Variants in TNR observed in about 807,000 individuals in gnomAD.
TNR encodes the protein tenascin-R.
A neutral mutation model predicts 150.4 loss-of-function variants in TNR; 45 were observed. The ratio of observed to expected loss-of-function variants is 0.30; its 90% confidence interval spans 0.24 to 0.38. The LOEUF (loss-of-function observed/expected upper bound fraction) is 0.38, where lower values mean the gene tolerates loss of function less well. TNR is among the 10% of genes least tolerant of loss of function. The pLI, the probability that TNR is intolerant of heterozygous loss-of-function variation, is 1.00. For missense variants in TNR, 1,544 were observed against 1,759.1 expected (o/e 0.88, Z 2.19); for synonymous variants, 687 against 678.4 (o/e 1.01, Z -0.20).
intron 1 of TNR, among the ~76,000 whole-genome samples, chr1:175,632,059 G>C (rs1009567063): frequency 6.6e-6 from 1 of 152,182 alleles, no homozygotes; most frequent in African/African-American, 2.4e-5. Flanking sequence ...TGCCCCAAGG[G>C]GCACTGGGAG....
At chr1:175,608,987 G>C (rs1488284692) in intron 1 of TNR, among the ~76,000 whole-genome samples, 1 of 152,174 alleles carries the variant, frequency 6.6e-6, no homozygotes, top group Non-Finnish European at 1.5e-5. Flanking sequence ...CCAAGAAACT[G>C]TCCTTCCACA....
chr1:175,740,374 C>T (rs1667893957), intron 1 of TNR, among the ~76,000 whole-genome samples: 1 of 152,130 alleles, frequency 6.6e-6, no homozygotes, highest in Non-Finnish European at 1.5e-5. Context: ...ATTGTCAAAA[C>T]TTAATCTGAA....
intron 9 of TNR, among the ~76,000 whole-genome samples, chr1:175,377,119 G>T (rs566712825): frequency 6.6e-6 from 1 of 152,042 alleles, no homozygotes; most frequent in Non-Finnish European, 1.5e-5. Flanking sequence ...ACTTGGGCAG[G>T]TTTTCAAACT....
intron 18 of TNR, among the ~76,000 whole-genome samples, chr1:175,339,148 A>T (rs977601403): frequency 2.0e-5 from 3 of 152,226 alleles, no homozygotes; most frequent in African/African-American, 7.2e-5. Flanking sequence ...ACTCAGAAAG[A>T]TTACATGACT....
At chr1:175,425,573 A>G (rs748160454) in intron 2 of TNR, among the ~76,000 whole-genome samples, 17 of 152,134 alleles carry the variant, frequency 1.1e-4, no homozygotes, top group Non-Finnish European at 1.6e-4. Context: ...TTTTTATAAA[A>G]ATCTATGATG....
chr1:175,539,702 G>T (rs1238741883), intron 1 of TNR, among the ~76,000 whole-genome samples: 2 of 152,264 alleles, frequency 1.3e-5, no homozygotes, highest in East Asian at 3.9e-4. Context: ...ATATCCTGAG[G>T]CCAGGCTGTT....
chr1:175,461,404 G>A (rs1459627696), intron 2 of TNR, among the ~76,000 whole-genome samples: 1 of 152,136 alleles, frequency 6.6e-6, no homozygotes, highest in East Asian at 1.9e-4. Context: ...ATCACTCCAA[G>A]GGGTGAGAGA....
chr1:175,703,456 T>C (rs541539604), intron 1 of TNR, among the ~76,000 whole-genome samples: 7 of 152,360 alleles, frequency 4.6e-5, no homozygotes, highest in Non-Finnish European at 1.0e-4. Flanking sequence ...TTTATGTTTC[T>C]ATGAAAACTG....
At chr1:175,634,014 CGATGATGATGA>C (rs1558047109) in intron 1 of TNR, among the ~76,000 whole-genome samples, 3 of 79,708 alleles carry the variant, frequency 3.8e-5, no homozygotes, top group African/African-American at 2.4e-4. Flanking sequence ...ATGATGATGA[CGATGATGATGA>C]TGATAAGGCC....
chr1:175,692,699 AG>A (rs1481721130), intron 1 of TNR, among the ~76,000 whole-genome samples: 3 of 152,148 alleles, frequency 2.0e-5, no homozygotes, highest in Non-Finnish European at 4.4e-5. Flanking sequence ...GAGGAGAGGA[AG>A]GTCTCATGAA....
chr1:175,630,381 A>G (rs917045682), intron 1 of TNR, among the ~76,000 whole-genome samples: 1 of 152,240 alleles, frequency 6.6e-6, no homozygotes, highest in African/African-American at 2.4e-5. Context: ...ATCAGTAGCA[A>G]ATCACAAGTT....
chr1:175,672,149 G>A (rs1257455781), intron 1 of TNR, among the ~76,000 whole-genome samples: 1 of 152,158 alleles, frequency 6.6e-6, no homozygotes, highest in Non-Finnish European at 1.5e-5. Context: ...TTAGTAAAAT[G>A]GGGACATTAA....
chr1:175,374,034 C>T (rs1045606764), intron 9 of TNR, among the ~76,000 whole-genome samples: 3 of 152,192 alleles, frequency 2.0e-5, no homozygotes, highest in Admixed American at 6.5e-5. Context: ...CTGTCTGGCC[C>T]GGGACCCCAG....
chr1:175,542,613 C>T (rs1660548280), intron 1 of TNR, among the ~76,000 whole-genome samples: 1 of 152,216 alleles, frequency 6.6e-6, no homozygotes, highest in African/African-American at 2.4e-5. Flanking sequence ...AACGTAATCA[C>T]TCTACATCTC....
chr1:175,616,595 G>C (rs544796408), intron 1 of TNR, among the ~76,000 whole-genome samples: 1 of 152,310 alleles, frequency 6.6e-6, no homozygotes, highest in Non-Finnish European at 1.5e-5. Context: ...GAGCTGAGGG[G>C]ATCACGGGGC....
chr1:175,708,931 A>G (rs775084535), intron 1 of TNR, among the ~76,000 whole-genome samples: 3 of 152,222 alleles, frequency 2.0e-5, no homozygotes, highest in Non-Finnish European at 2.9e-5. Context: ...ACAGTCTCAT[A>G]GAGACATGAG....
chr1:175,323,465 C>G lies in TNR; in HGVS notation c.3969G>C (p.Trp1323Cys). 1 of 1,613,890 alleles carries G rather than the reference C, an allele frequency of 6.2e-7. No individual in the cohort carries two copies. The highest frequency in any genetic ancestry group is 8.5e-7 in the Non-Finnish European group (1 of 1,179,892). Residue 1323 changes from tryptophan (W) to cysteine (C), a missense_variant, in exon 23 of 23, where the codon TGG (tryptophan) becomes TGC (cysteine). This residue lies in a region of TNR where 290 missense variants were observed against 429.7 expected (regional missense o/e 0.67). Coordinates refer to ENST00000367674, the MANE Select transcript of TNR (RefSeq NM_003285.3). ...GESRHSQGIN[W>C]YHWKGHEFSI... The stretch of plus-strand genomic sequence containing the variant: ...AGAACTCATGGCCTTTCCAATGGTA[C>G]CAGTTGATGCCCTGGGCGTGAGAAA...
At chr1:175,707,872 T>C (rs1666883233) in intron 1 of TNR, among the ~76,000 whole-genome samples, 2 of 152,194 alleles carry the variant, frequency 1.3e-5, no homozygotes, top group Non-Finnish European at 2.9e-5. Flanking sequence ...AGACTTCAAG[T>C]AATTGCCTAG....
chr1:175,356,602 ATCTT>A, intron 15 of TNR, 140 bp from the exon 16 acceptor site: 1 of 997,942 alleles, frequency 1.0e-6, no homozygotes, highest in South Asian at 1.7e-5. Context: ...CTAGCTTAGT[ATCTT>A]ACTCTTTGCA....
Sources: allele counts gnomAD v4.1 joint callset (sites outside exome capture counted in the v4.1 genomes callset), GRCh38; gene constraint gnomAD v4.1.1; regional missense constraint gnomAD v4.1.1; transcripts MANE v1.5; gene names NCBI Gene and HGNC (gene_info 2026-07-23, HGNC 2026-07-21).